ENOX1: variants seen among roughly 807,000 people sequenced by gnomAD.
ENOX1 encodes the protein ecto-NOX disulfide-thiol exchanger 1.
ENOX1 carries 42 observed loss-of-function variants against 82.5 expected under a neutral mutation model. The ratio of observed to expected loss-of-function variants is 0.51; its 90% CI spans 0.40 to 0.66. The LOEUF (loss-of-function observed/expected upper bound fraction) is 0.66. Ranked by LOEUF, ENOX1 falls within the 30% of genes least tolerant of loss-of-function variation. The pLI is 0.00. For missense variants in ENOX1, 608 were observed against 811.6 expected (o/e 0.75, Z 3.05); for synonymous variants, 271 against 282.2 (o/e 0.96, Z 0.40).
intron 2 of ENOX1, among the ~76,000 whole-genome samples, chr13:43,661,055 G>A (rs573818909): frequency 7.2e-5 from 11 of 152,130 alleles, no homozygotes; most frequent in South Asian, 2.1e-4. Flanking sequence ...GCATTTTTTC[G>A]TGATGTTCAG....
At chr13:43,303,236 A>G (rs1377596518) in intron 11 of ENOX1, among the ~76,000 whole-genome samples, 1 of 152,226 alleles carries the variant, frequency 6.6e-6, no homozygotes, top group Non-Finnish European at 1.5e-5. Context: ...TGTCACCACA[A>G]TATCTGTGTG....
At chr13:43,253,229 G>A (rs373918090) in intron 14 of ENOX1, among the ~76,000 whole-genome samples, 2 of 152,182 alleles carry the variant, frequency 1.3e-5, no homozygotes, top group Non-Finnish European at 2.9e-5. Context: ...GGGCTGACAC[G>A]CAGGGCACCA....
chr13:43,462,117 A>G (rs1487178872), intron 3 of ENOX1, among the ~76,000 whole-genome samples: 1 of 152,220 alleles, frequency 6.6e-6, no homozygotes, highest in African/African-American at 2.4e-5. Context: ...GACCCACTCT[A>G]TCTGATCCAG....
intron 1 of ENOX1, among the ~76,000 whole-genome samples, chr13:43,710,519 G>C (rs1246918638): frequency 6.6e-6 from 1 of 152,064 alleles, no homozygotes; most frequent in Admixed American, 6.6e-5. Flanking sequence ...AAAAACTTTA[G>C]ACACATAATA....
chr13:43,316,264 C>T, intron 11 of ENOX1, among the ~76,000 whole-genome samples: 1 of 152,162 alleles, frequency 6.6e-6, no homozygotes, highest in Non-Finnish European at 1.5e-5. Context: ...AGAACTTCAG[C>T]TAGGCCTCAG....
At chr13:43,366,131 TA>T (rs1468752126) in intron 5 of ENOX1, among the ~76,000 whole-genome samples, 1 of 152,216 alleles carries the variant, frequency 6.6e-6, no homozygotes, top group African/African-American at 2.4e-5. Flanking sequence ...TGTAAACTAT[TA>T]AAGTAATGCT....
intron 1 of ENOX1, among the ~76,000 whole-genome samples, chr13:43,684,040 GA>G (rs2085932218): frequency 7.0e-6 from 1 of 143,496 alleles, no homozygotes; most frequent in African/African-American, 2.6e-5. Flanking sequence ...ACTCTGCAGT[GA>G]GCAGAGATCG....
chr13:43,786,281 G>A lies in ENOX1; in HGVS notation c.-285+371C>T, dbSNP rs1952612161. ...GGGCGACGCCCGCAGGGGGAGACGG[G>A]TGCGGGGTGCGCTGTCCAAGGTGCA... On this transcript the variant is annotated intron_variant, in intron 1 of 16. Transcript: ENST00000690772. This position sits in a 1 kb window ranked among gnomAD's most constrained non-coding sequence, Gnocchi z 6.0. Among the ~76,000 whole-genome samples, 1 of 152,204 alleles carries A rather than the reference G, an allele frequency of 6.6e-6. No individual in the cohort carries two copies. The highest frequency in any genetic ancestry group is 2.4e-5 in the African/African-American group (1 of 41,462).
intron 2 of ENOX1, among the ~76,000 whole-genome samples, chr13:43,656,785 T>C (rs566777277): frequency 6.8e-6 from 1 of 147,780 alleles, no homozygotes; most frequent in South Asian, 2.1e-4. Context: ...CTCTGCTATG[T>C]ATTCTCAAGC....
At chr13:43,539,467 T>A (rs889977507) in intron 2 of ENOX1, among the ~76,000 whole-genome samples, 1 of 152,224 alleles carries the variant, frequency 6.6e-6, no homozygotes, top group African/African-American at 2.4e-5. Context: ...TTTTTAAACA[T>A]AGAAATATTC....
At chr13:43,338,511 G>A (rs2048847380) in intron 9 of ENOX1, among the ~76,000 whole-genome samples, 1 of 151,542 alleles carries the variant, frequency 6.6e-6, no homozygotes, top group Non-Finnish European at 1.5e-5. Context: ...TAGGAAATGA[G>A]GTCTATCCAG....
rs2082454835 is a variant in ENOX1, at chr13:43,616,188, A to ATC, written c.-219+51290_-219+51291insGA. The stretch of plus-strand genomic sequence containing the variant: ...TATCTATCTATCTATCTATCTATCT[A>ATC]TATATATATATATATATTTTTTTTT... On this transcript the variant is annotated intron_variant, in intron 2 of 16. Coordinates refer to ENST00000690772, the MANE Select transcript of ENOX1 (RefSeq NM_001347969.2). Among the ~76,000 whole-genome samples, 7 of 15,498 alleles carry ATC rather than the reference A, an allele frequency of 4.5e-4. 1 individual carries two copies. Among genetic ancestry groups the ATC allele is most frequent in the Non-Finnish European group, 8.3e-4 (2 of 2,418 alleles). 10.2% of individuals were successfully genotyped at this position (15,498 alleles called of 152,430 possible).
intron 12 of ENOX1, among the ~76,000 whole-genome samples, chr13:43,289,063 T>A (rs1419811554): frequency 6.6e-6 from 1 of 151,970 alleles, no homozygotes; most frequent in Non-Finnish European, 1.5e-5. Context: ...CTAAAACAAA[T>A]CAGAGACAAC....
At chr13:43,653,616 C>A (rs1157945047) in intron 2 of ENOX1, among the ~76,000 whole-genome samples, 1 of 151,580 alleles carries the variant, frequency 6.6e-6, no homozygotes, top group East Asian at 1.9e-4. Context: ...GTGCAAAAGA[C>A]AGTAAATTCT....
intron 3 of ENOX1, among the ~76,000 whole-genome samples, chr13:43,468,937 C>T (rs1269626016): frequency 3.3e-5 from 5 of 152,040 alleles, no homozygotes; most frequent in African/African-American, 9.7e-5. Flanking sequence ...TATAACTGGT[C>T]TTTGTATATT....
chr13:43,419,274 G>A (rs1032310498), intron 3 of ENOX1, among the ~76,000 whole-genome samples: 1 of 152,158 alleles, frequency 6.6e-6, no homozygotes, highest in Non-Finnish European at 1.5e-5. Context: ...TACAACCCCA[G>A]ATAGGAGCTA....
intron 11 of ENOX1, among the ~76,000 whole-genome samples, chr13:43,306,600 C>G (rs1211703058): frequency 1.3e-5 from 2 of 152,152 alleles, no homozygotes; most frequent in African/African-American, 4.8e-5. Context: ...TCCTAACTGA[C>G]AGTAGTTGGT....
intron 1 of ENOX1, among the ~76,000 whole-genome samples, chr13:43,671,175 C>T (rs2085249597): frequency 6.6e-6 from 1 of 152,180 alleles, no homozygotes; most frequent in African/African-American, 2.4e-5. Flanking sequence ...ATGTCTGCTT[C>T]CCCTTCCACC....
chr13:43,586,936 T>C (rs1258168503), intron 2 of ENOX1, among the ~76,000 whole-genome samples: 7 of 150,538 alleles, frequency 4.6e-5, no homozygotes, highest in African/African-American at 1.7e-4. Flanking sequence ...TAGCTGGGCG[T>C]GGTGGCACGT....
Sources: gnomAD v4.1 joint callset for allele counts (sites outside exome capture counted in the v4.1 genomes callset) on GRCh38, gnomAD v4.1.1 for gene constraint, Gnocchi (gnomAD v3.1) non-coding constraint, MANE v1.5 for transcripts, NCBI Gene and HGNC (gene_info 2026-07-23, HGNC 2026-07-21) for gene names.